HS6ST3: variants seen among roughly 807,000 people sequenced by gnomAD.
HS6ST3 encodes the protein heparan-sulfate 6-O-sulfotransferase 3.
Under a neutral mutation model 36.7 loss-of-function variants are expected in HS6ST3, and 12 were observed. That is an observed-to-expected ratio of 0.33 (90% CI 0.21 to 0.53). HS6ST3 has a LOEUF of 0.53. HS6ST3 is among the 20% of genes least tolerant of loss of function. HS6ST3 has a pLI of 0.95. For synonymous variants in HS6ST3, 240 were observed against 257.5 expected (o/e 0.93, Z 0.65); for missense variants, 584 against 640.9 (o/e 0.91, Z 0.96).
chr13:96,187,762 G>A (rs981654551), intron 1 of HS6ST3, among the ~76,000 whole-genome samples: 1 of 152,192 alleles, frequency 6.6e-6, no homozygotes, highest in Admixed American at 6.5e-5. Context: ...CCGTGTTGGT[G>A]TTCCATTCTA....
At chr13:96,578,263 G>C (rs146078024) in intron 1 of HS6ST3, among the ~76,000 whole-genome samples, 1 of 152,338 alleles carries the variant, frequency 6.6e-6, no homozygotes, top group East Asian at 1.9e-4. Flanking sequence ...ACAGGGCCTA[G>C]TCAGGAAGCA....
chr13:96,454,874 TAA>T lies in HS6ST3; in HGVS notation c.707+363317_707+363318del, dbSNP rs5805970. Among the ~76,000 whole-genome samples, 155 of 144,256 alleles carry T rather than the reference TAA, an allele frequency of 1.1e-3. 1 individual carries two copies. Among genetic ancestry groups the T allele is most frequent in the Middle Eastern group, 0.011 (3 of 284 alleles). 94.6% of individuals were successfully genotyped at this position (144,256 alleles called of 152,430 possible). ...ACCAGGGAATGATATTATTGAACTC[TAA>T]AAAAAAAAAAACATACGCCTTTATG... On this transcript the variant is annotated intron_variant, in intron 1 of 1. Transcript: ENST00000376705.
chr13:96,803,056 A>G (rs1378117716), intron 1 of HS6ST3, among the ~76,000 whole-genome samples: 1 of 152,148 alleles, frequency 6.6e-6, no homozygotes, highest in Non-Finnish European at 1.5e-5. Context: ...CACTGTCACA[A>G]CCAAAGGACT....
At chr13:96,253,393 A>G (rs1434427340) in intron 1 of HS6ST3, among the ~76,000 whole-genome samples, 1 of 152,176 alleles carries the variant, frequency 6.6e-6, no homozygotes, top group Non-Finnish European at 1.5e-5. Flanking sequence ...TCATGGGCCA[A>G]GGGGGCCTTT....
chr13:96,210,645 G>T lies in HS6ST3; in HGVS notation c.707+119076G>T, dbSNP rs2054394521. 1.3e-5 allele frequency among the ~76,000 whole-genome samples: 2 copies of T among 151,108 alleles called. 1 individual carries two copies. The highest frequency in any genetic ancestry group is 4.2e-4 in the South Asian group (2 of 4,792). On this transcript the variant is annotated intron_variant, in intron 1 of 1. Coordinates refer to ENST00000376705, the MANE Select transcript of HS6ST3 (RefSeq NM_153456.4). ...CACTCACTCTGTTGCCCAGGTTGGA[G>T]TACAGTGGCACAATCTCAGCTTACT...
intron 1 of HS6ST3, among the ~76,000 whole-genome samples, chr13:96,702,017 C>T (rs544839817): frequency 1.3e-5 from 2 of 152,102 alleles, no homozygotes; most frequent in Non-Finnish European, 2.9e-5. Flanking sequence ...ATAGCATATA[C>T]AACAGATGTA....
At chr13:96,617,326 A>G (rs1233603046) in intron 1 of HS6ST3, among the ~76,000 whole-genome samples, 1 of 152,078 alleles carries the variant, frequency 6.6e-6, no homozygotes, top group East Asian at 1.9e-4. Flanking sequence ...CAGTGTATTC[A>G]TTGATTCTAT....
intron 1 of HS6ST3, among the ~76,000 whole-genome samples, chr13:96,363,823 A>T (rs2055250851): frequency 6.6e-6 from 1 of 152,314 alleles, no homozygotes; most frequent in Middle Eastern, 3.4e-3. Flanking sequence ...TATGTATTCT[A>T]TTCAGCAAGT....
At chr13:96,261,552 G>A (rs1468480347) in intron 1 of HS6ST3, among the ~76,000 whole-genome samples, 2 of 152,084 alleles carry the variant, frequency 1.3e-5, no homozygotes, top group East Asian at 3.9e-4. Context: ...TGTAGCAGAG[G>A]GCCAGAAGAT....
At chr13:96,678,940 C>T (rs2056708684) in intron 1 of HS6ST3, among the ~76,000 whole-genome samples, 1 of 151,862 alleles carries the variant, frequency 6.6e-6, no homozygotes, top group African/African-American at 2.4e-5. Flanking sequence ...CAGACAGATG[C>T]TTTTGTTATT....
intron 1 of HS6ST3, among the ~76,000 whole-genome samples, chr13:96,668,726 T>TTTTTA (rs2056673183): frequency 8.1e-6 from 1 of 123,346 alleles, no homozygotes; most frequent in Non-Finnish European, 1.7e-5. Flanking sequence ...TTTTTTTTTT[T>TTTTTA]GTATCAGGTA....
chr13:96,712,518 A>G (rs1471885446), intron 1 of HS6ST3, among the ~76,000 whole-genome samples: 2 of 152,166 alleles, frequency 1.3e-5, no homozygotes, highest in East Asian at 3.9e-4. Flanking sequence ...GGGGGTTCAA[A>G]GGTATTGTGT....
chr13:96,545,209 T>A (rs2056193252), intron 1 of HS6ST3, among the ~76,000 whole-genome samples: 1 of 152,212 alleles, frequency 6.6e-6, no homozygotes, highest in Admixed American at 6.5e-5. Flanking sequence ...CTTACATTTC[T>A]GCTACTTATC....
At chr13:96,472,644 G>T (rs1372369340) in intron 1 of HS6ST3, among the ~76,000 whole-genome samples, 2 of 152,052 alleles carry the variant, frequency 1.3e-5, no homozygotes, top group Non-Finnish European at 2.9e-5. Flanking sequence ...AGAATTGAAC[G>T]TTCCTCAAAG....
intron 1 of HS6ST3, among the ~76,000 whole-genome samples, chr13:96,134,368 C>A (rs1389455883): frequency 6.8e-6 from 1 of 147,886 alleles, no homozygotes; most frequent in East Asian, 2.0e-4. Flanking sequence ...ATTTTTTTAC[C>A]CCCTCTTTTT....
intron 1 of HS6ST3, among the ~76,000 whole-genome samples, chr13:96,205,866 G>C (rs906526942): frequency 5.3e-5 from 8 of 152,230 alleles, no homozygotes; most frequent in Middle Eastern, 3.4e-3. Flanking sequence ...CATACTGAAT[G>C]GGCAAAAGCT....
intron 1 of HS6ST3, among the ~76,000 whole-genome samples, chr13:96,126,488 G>C (rs2053951860): frequency 6.6e-6 from 1 of 152,194 alleles, no homozygotes; most frequent in East Asian, 1.9e-4. Context: ...AGAGAAAGTA[G>C]GAAGATACAT....
chr13:96,668,820 T>A (rs2056673810), intron 1 of HS6ST3, among the ~76,000 whole-genome samples: 1 of 146,876 alleles, frequency 6.8e-6, no homozygotes, highest in Non-Finnish European at 1.5e-5. Flanking sequence ...AGATAGGAAA[T>A]CCTTGCACAT....
chr13:96,574,700 C>A (rs571101798), intron 1 of HS6ST3, among the ~76,000 whole-genome samples: 5 of 152,304 alleles, frequency 3.3e-5, no homozygotes, highest in African/African-American at 1.2e-4. Context: ...GGGGCCCAAG[C>A]CTTATCTCAG....
Sources: gnomAD v4.1 joint callset for allele counts (sites outside exome capture counted in the v4.1 genomes callset) on GRCh38, gnomAD v4.1.1 for gene constraint, MANE v1.5 for transcripts, NCBI Gene and HGNC (gene_info 2026-07-23, HGNC 2026-07-21) for gene names.